The following SIPA1L1 variants were observed in gnomAD, a reference collection of about 807,000 sequenced individuals.
The protein encoded by SIPA1L1 is signal-induced proliferation-associated 1-like protein 1.
Under a neutral mutation model 162.7 loss-of-function variants are expected in SIPA1L1, and 26 were observed. The ratio of observed to expected loss-of-function variants is 0.16; its 90% CI spans 0.12 to 0.22. The LOEUF (loss-of-function observed/expected upper bound fraction) is 0.22, where lower values mean the gene tolerates loss of function less well. Among genes scored for constraint, SIPA1L1 ranks in the 10% least tolerant of loss-of-function variants. SIPA1L1 has a pLI of 1.00. For missense variants in SIPA1L1, 1,874 were observed against 2,241.0 expected (o/e 0.84, Z 3.31); for synonymous variants, 829 against 837.4 (o/e 0.99, Z 0.17).
intron 2 of SIPA1L1, among the ~76,000 whole-genome samples, chr14:71,486,105 G>A (rs972896467): frequency 3.3e-5 from 5 of 152,176 alleles, no homozygotes; most frequent in African/African-American, 1.2e-4. Flanking sequence ...ACGGATGTGC[G>A]ATTTAGACAG....
intron 4 of SIPA1L1, among the ~76,000 whole-genome samples, chr14:71,555,330 C>T (rs958339699): frequency 2.0e-5 from 3 of 152,194 alleles, no homozygotes; most frequent in Admixed American, 6.5e-5. Context: ...GCTTCCTTCC[C>T]GAAACCTGAT....
intron 3 of SIPA1L1, among the ~76,000 whole-genome samples, chr14:71,520,110 G>A (rs183666027): frequency 1.1e-4 from 16 of 152,106 alleles, no homozygotes; most frequent in Admixed American, 3.9e-4. Context: ...TCAAAAAAAT[G>A]AAAAAACAAA....
intron 5 of SIPA1L1, among the ~76,000 whole-genome samples, chr14:71,601,526 C>G (rs1173204308): frequency 6.6e-6 from 1 of 152,096 alleles, no homozygotes; most frequent in Non-Finnish European, 1.5e-5. Flanking sequence ...CATGTATGTT[C>G]ATGTGGAATA....
intron 3 of SIPA1L1, among the ~76,000 whole-genome samples, chr14:71,517,310 A>C (rs1484330147): frequency 9.2e-5 from 14 of 152,176 alleles, no homozygotes; most frequent in African/African-American, 3.1e-4. Context: ...GTAATTAAAA[A>C]AATTTTTTTT....
chr14:71,407,226 G>T (rs966293362), intron 2 of SIPA1L1, among the ~76,000 whole-genome samples: 1 of 152,116 alleles, frequency 6.6e-6, no homozygotes, highest in Non-Finnish European at 1.5e-5. Flanking sequence ...CACCTTGTAC[G>T]ATTGTGTGTT....
intron 2 of SIPA1L1, among the ~76,000 whole-genome samples, chr14:71,404,185 G>T (rs2041882111): frequency 6.6e-6 from 1 of 151,992 alleles, no homozygotes; most frequent in South Asian, 2.1e-4. Context: ...AATAACTTTG[G>T]TAACCAAAAA....
chr14:71,334,247 T>A lies in SIPA1L1; in HGVS notation c.-465+13066T>A, dbSNP rs559077233. Reference sequence around the variant, plus strand: ...CCTTCTCAGAATTCTTGAGATCAAATGAGAAAAAAAAAGTTAAAACTTGTA... The same window carrying A: ...CCTTCTCAGAATTCTTGAGATCAAAAGAGAAAAAAAAAGTTAAAACTTGTA... On this transcript the variant is annotated intron_variant, in intron 2 of 23. Coordinates refer to ENST00000381232, the MANE Select transcript of SIPA1L1 (RefSeq NM_001386936.1). 3.7e-5 allele frequency among the ~76,000 whole-genome samples: 5 copies of A among 136,286 alleles called. No homozygotes were observed. The East Asian group carries it at 1.1e-3, about 29-fold the overall frequency. 89.4% of individuals were successfully genotyped at this position (136,286 alleles called of 152,430 possible).
At chr14:71,598,163 C>A in intron 5 of SIPA1L1, 1 of 972,990 alleles carries the variant, frequency 1.0e-6, no homozygotes, top group Non-Finnish European at 1.2e-6. Context: ...TGTGTGTGGT[C>A]ATGGTGGTTA....
intron 2 of SIPA1L1, chr14:71,330,823 A>G: frequency 1.6e-6 from 1 of 631,820 alleles, no homozygotes. Flanking sequence ...CTAGATATTA[A>G]CACCTTATGA....
chr14:71,386,127 C>T (rs2040302966), intron 2 of SIPA1L1, among the ~76,000 whole-genome samples: 1 of 152,068 alleles, frequency 6.6e-6, no homozygotes. Context: ...CTATATTAGT[C>T]AGGATTCTCT....
intron 4 of SIPA1L1, among the ~76,000 whole-genome samples, chr14:71,572,180 C>G (rs913758670): frequency 2.0e-5 from 3 of 152,208 alleles, no homozygotes; most frequent in African/African-American, 7.2e-5. Flanking sequence ...ACCCATTAAT[C>G]TGTGACTGGA....
chr14:71,387,068 G>A (rs1428193913), intron 2 of SIPA1L1, among the ~76,000 whole-genome samples: 2 of 152,026 alleles, frequency 1.3e-5, no homozygotes, highest in Non-Finnish European at 2.9e-5. Flanking sequence ...GACCAACATG[G>A]AGAAACCCTG....
At chr14:71,604,145 A>T (rs1306142439) in intron 5 of SIPA1L1, among the ~76,000 whole-genome samples, 3 of 150,838 alleles carry the variant, frequency 2.0e-5, no homozygotes, top group Admixed American at 6.6e-5. Flanking sequence ...CTATGGGCAC[A>T]TGCCACCACG....
chr14:71,630,510 C>T (rs561267470), intron 7 of SIPA1L1, among the ~76,000 whole-genome samples: 2 of 152,310 alleles, frequency 1.3e-5, no homozygotes, highest in East Asian at 3.9e-4. Context: ...GATCACGATT[C>T]AGAAGGATGC....
intron 15 of SIPA1L1, chr14:71,704,919 T>C: frequency 1.5e-6 from 1 of 683,210 alleles, no homozygotes; most frequent in Non-Finnish European, 2.5e-6. Context: ...AATCTAAATT[T>C]TTCCCCCAAA....
chr14:71,431,939 T>C (rs1302675900), intron 2 of SIPA1L1, among the ~76,000 whole-genome samples: 2 of 152,060 alleles, frequency 1.3e-5, no homozygotes, highest in Non-Finnish European at 2.9e-5. Flanking sequence ...ATTTTTATGC[T>C]TAGGTTCAAC....
intron 7 of SIPA1L1, among the ~76,000 whole-genome samples, chr14:71,640,607 C>A (rs1210029484): frequency 1.3e-5 from 2 of 152,100 alleles, no homozygotes; most frequent in African/African-American, 2.4e-5. Context: ...ATCTGTAAAA[C>A]AATTATATTG....
intron 2 of SIPA1L1, among the ~76,000 whole-genome samples, chr14:71,495,713 T>C (rs1399145555): frequency 1.3e-5 from 2 of 151,420 alleles, no homozygotes; most frequent in Admixed American, 6.6e-5. Flanking sequence ...GTGAAGACGA[T>C]TGAGATCTTT....
At chr14:71,378,302 G>A (rs997915321) in intron 2 of SIPA1L1, among the ~76,000 whole-genome samples, 2 of 151,904 alleles carry the variant, frequency 1.3e-5, no homozygotes. Flanking sequence ...TGGAACCTTA[G>A]GTAACTGTGG....
Sources: allele counts gnomAD v4.1 joint callset (sites outside exome capture counted in the v4.1 genomes callset), GRCh38; gene constraint gnomAD v4.1.1; transcripts MANE v1.5; gene names NCBI Gene and HGNC (gene_info 2026-07-23, HGNC 2026-07-21).